PAM: variants seen among roughly 807,000 people sequenced by gnomAD.
PAM encodes the protein peptidyl-glycine alpha-amidating monooxygenase.
Under a neutral mutation model 122.1 loss-of-function variants are expected in PAM, and 72 were observed. The ratio of observed to expected loss-of-function variants is 0.59; its 90% confidence interval spans 0.49 to 0.72. The LOEUF (loss-of-function observed/expected upper bound fraction) is 0.72, where lower values mean the gene tolerates loss of function less well. PAM is among the 30% of genes least tolerant of loss of function. PAM has a pLI of 0.00. For missense variants in PAM, 1,106 were observed against 1,183.7 expected, an observed-to-expected ratio of 0.93 and a Z score of 0.96; for synonymous variants, 389 against 404.4, an observed-to-expected ratio of 0.96 and a Z score of 0.46.
intron 1 of PAM, among the ~76,000 whole-genome samples, chr5:102,862,967 A>G (rs568538400): frequency 6.6e-6 from 1 of 151,972 alleles, no homozygotes; most frequent in African/African-American, 2.4e-5. Context: ...TGGCTCTTTG[A>G]CCAGTAACAA....
chr5:102,938,584 TA>T (rs760634569), intron 7 of PAM, among the ~76,000 whole-genome samples: 1 of 152,192 alleles, frequency 6.6e-6, no homozygotes, highest in Non-Finnish European at 1.5e-5. Context: ...CCTTATGCTT[TA>T]CCTTTATTGA....
chr5:102,983,959 A>T (rs1283930503), intron 15 of PAM, among the ~76,000 whole-genome samples: 2 of 152,194 alleles, frequency 1.3e-5, no homozygotes, highest in African/African-American at 4.8e-5. Flanking sequence ...GACAAGCAAA[A>T]CTTGAGGGAA....
At chr5:102,891,950 G>A (rs1794908251) in intron 3 of PAM, among the ~76,000 whole-genome samples, 1 of 151,818 alleles carries the variant, frequency 6.6e-6, no homozygotes, top group Admixed American at 6.6e-5. Flanking sequence ...TCTTGCCTAA[G>A]AGAAATTCCC....
chr5:102,847,763 G>A (rs1325849172), intron 1 of PAM, among the ~76,000 whole-genome samples: 1 of 152,076 alleles, frequency 6.6e-6, no homozygotes, highest in East Asian at 1.9e-4. Context: ...ACTTATTTAG[G>A]TGGAAATATC....
chr5:102,997,078 A>G, intron 16 of PAM, among the ~76,000 whole-genome samples: 1 of 152,204 alleles, frequency 6.6e-6, no homozygotes, highest in East Asian at 1.9e-4. Context: ...GCTATGGAAA[A>G]GTAGCTAGTC....
chr5:102,982,022 C>T (rs1291415212), intron 15 of PAM, among the ~76,000 whole-genome samples: 1 of 152,114 alleles, frequency 6.6e-6, no homozygotes, highest in Non-Finnish European at 1.5e-5. Context: ...GACAGTTCCT[C>T]CCCACCCAGC....
At chr5:102,971,272 T>C (rs1218678838) in intron 14 of PAM, among the ~76,000 whole-genome samples, 6 of 152,250 alleles carry the variant, frequency 3.9e-5, no homozygotes, top group African/African-American at 1.4e-4. Flanking sequence ...ACACCTACTT[T>C]ATGATATGTA....
intron 1 of PAM, among the ~76,000 whole-genome samples, chr5:102,852,141 G>T (rs1781488471): frequency 6.6e-6 from 1 of 152,124 alleles, no homozygotes; most frequent in Non-Finnish European, 1.5e-5. Flanking sequence ...GGAAATGACT[G>T]GCCAGTCAAG....
chr5:102,809,228 T>A (rs1267444749), intron 1 of PAM, among the ~76,000 whole-genome samples: 1 of 151,544 alleles, frequency 6.6e-6, no homozygotes, highest in Admixed American at 6.6e-5. Context: ...GTGAAGAATG[T>A]AATACTTGGC....
rs76666368 is a variant in PAM at position 102,797,745 on chromosome 5, T to A, written c.-374+42397T>A. ...AGATTGCTAAATACAAACATTTTTTTAAAATAGTATCAGGTCAAATGTATT... is the reference window on the plus strand; with the variant it reads ...AGATTGCTAAATACAAACATTTTTTAAAAATAGTATCAGGTCAAATGTATT... On this transcript the variant is annotated intron_variant, in intron 1 of 25. Transcript: ENST00000438793. Among the ~76,000 whole-genome samples, 1,299 of 152,288 alleles carry A rather than the reference T, an allele frequency of 8.5e-3. 16 individuals are homozygous for A. Among genetic ancestry groups the A allele is most frequent in the African/African-American group, 0.03 (1,250 of 41,572 alleles).
At chr5:102,954,345 C>T (rs1224396440) in intron 12 of PAM, among the ~76,000 whole-genome samples, 1 of 151,886 alleles carries the variant, frequency 6.6e-6, no homozygotes, top group East Asian at 1.9e-4. Context: ...TTTTATCATT[C>T]TTATGCCTTT....
At chr5:102,833,392 CTTT>C (rs796312922) in intron 1 of PAM, among the ~76,000 whole-genome samples, 6 of 152,030 alleles carry the variant, frequency 3.9e-5, no homozygotes, top group Non-Finnish European at 7.4e-5. Context: ...CTTCAAGGGG[CTTT>C]TTTGTAGAAA....
At chr5:103,019,313 A>G (rs1221820002) in intron 22 of PAM, among the ~76,000 whole-genome samples, 1 of 152,252 alleles carries the variant, frequency 6.6e-6, no homozygotes, top group Non-Finnish European at 1.5e-5. Flanking sequence ...CCCTCTGCAT[A>G]GCGCAGAGTG....
intron 3 of PAM, among the ~76,000 whole-genome samples, chr5:102,899,482 A>G (rs1181790940): frequency 6.6e-6 from 1 of 151,716 alleles, no homozygotes; most frequent in African/African-American, 2.4e-5. Flanking sequence ...TCCAAATTAA[A>G]AAGAAGTTCT....
intron 3 of PAM, among the ~76,000 whole-genome samples, chr5:102,889,450 C>A (rs758360797): frequency 1.3e-4 from 20 of 151,820 alleles, no homozygotes; most frequent in Non-Finnish European, 1.9e-4. Flanking sequence ...GTACAGTTTG[C>A]TGCTTTATAA....
At chr5:102,943,242 C>A (rs1755885015) in intron 7 of PAM, among the ~76,000 whole-genome samples, 1 of 152,170 alleles carries the variant, frequency 6.6e-6, no homozygotes, top group African/African-American at 2.4e-5. Context: ...GAGAGACCAA[C>A]AGAACCATCT....
chr5:102,765,287 G>A (rs1048286665), intron 1 of PAM, among the ~76,000 whole-genome samples: 1 of 152,198 alleles, frequency 6.6e-6, no homozygotes, highest in Non-Finnish European at 1.5e-5. Flanking sequence ...AACAGTCAAC[G>A]TTCAGGTTTC....
chr5:103,014,327 T>C (rs1562249960), intron 21 of PAM, among the ~76,000 whole-genome samples: 1 of 152,308 alleles, frequency 6.6e-6, no homozygotes, highest in East Asian at 1.9e-4. Context: ...TCATCAGATG[T>C]TAGGCAAAGA....
At chr5:102,988,703 AAG>A (rs139528650) in intron 15 of PAM, among the ~76,000 whole-genome samples, 38,063 of 147,630 alleles carry the variant, frequency 0.26, 5,563 homozygotes, top group East Asian at 0.46. Context: ...AAGAAAGAGA[AAG>A]AGAAAGAAAG....
Sources: allele counts gnomAD v4.1 joint callset (sites outside exome capture counted in the v4.1 genomes callset), GRCh38; gene constraint gnomAD v4.1.1; transcripts MANE v1.5; gene names NCBI Gene and HGNC (gene_info 2026-07-23, HGNC 2026-07-21).